Variants in CERS6 observed in about 807,000 individuals in gnomAD.
CERS6 encodes the protein ceramide synthase 6, also known as LAG1 homolog, ceramide synthase 6.
In CERS6, 26 loss-of-function variants were observed where a neutral mutation model predicts 56.8. The observed-to-expected ratio is 0.46, with a 90% CI of 0.34 to 0.63. The LOEUF (loss-of-function observed/expected upper bound fraction) is 0.63, where lower values mean the gene tolerates loss of function less well. Ranked by LOEUF, CERS6 falls within the 30% of genes least tolerant of loss-of-function variation. The pLI is 0.01. For synonymous variants in CERS6, 164 were observed against 173.3 expected (o/e 0.95, Z 0.42); for missense variants, 415 against 467.5 (o/e 0.89, Z 1.04).
intron 6 of CERS6, among the ~76,000 whole-genome samples, chr2:168,703,982 T>C (rs573657541): frequency 1.8e-4 from 28 of 152,336 alleles, no homozygotes; most frequent in African/African-American, 6.5e-4. Flanking sequence ...GCCAGTACCA[T>C]GTGCAGACTG....
intron 4 of CERS6, among the ~76,000 whole-genome samples, chr2:168,677,244 C>T (rs1686088544): frequency 6.6e-6 from 1 of 151,958 alleles, no homozygotes; most frequent in African/African-American, 2.4e-5. Context: ...TGTTCAACTC[C>T]CACTTATGAG....
At chr2:168,645,639 G>T (rs1046540222) in intron 4 of CERS6, among the ~76,000 whole-genome samples, 1 of 152,044 alleles carries the variant, frequency 6.6e-6, no homozygotes, top group Admixed American at 6.6e-5. Flanking sequence ...CATCACCCAG[G>T]TATTAAGCCC....
chr2:168,599,702 A>G (rs1180922757), intron 3 of CERS6, among the ~76,000 whole-genome samples: 1 of 152,204 alleles, frequency 6.6e-6, no homozygotes, highest in Non-Finnish European at 1.5e-5. Context: ...TTGAGGTTAT[A>G]TATATAGTTT....
chr2:168,604,278 A>G (rs1434282269), intron 3 of CERS6, among the ~76,000 whole-genome samples: 1 of 152,170 alleles, frequency 6.6e-6, no homozygotes, highest in East Asian at 1.9e-4. Context: ...TTTCAAAAAC[A>G]CAACTTTTGC....
chr2:168,557,995 A>AT (rs1447195043), intron 2 of CERS6, among the ~76,000 whole-genome samples: 5 of 152,352 alleles, frequency 3.3e-5, no homozygotes, highest in Non-Finnish European at 5.9e-5. Context: ...TATACTCTTC[A>AT]TAAAAAAATG....
intron 1 of CERS6, among the ~76,000 whole-genome samples, chr2:168,529,845 T>C (rs1695134620): frequency 6.6e-6 from 1 of 152,022 alleles, no homozygotes; most frequent in Non-Finnish European, 1.5e-5. Context: ...ATAATGGAAT[T>C]AAAGGATTAA....
rs1341652360 is a variant in CERS6, at chr2:168,559,733, TCATATA to T, written c.277-1458_277-1453del. Among the ~76,000 whole-genome samples the T allele has an allele frequency of 4.1e-4, 27 of 66,288 alleles. 6 individuals carry two copies. The South Asian group carries it at 4.3e-3, about 10-fold the overall frequency. The allele number at this position is 66,288 out of a possible 152,430, so 43.5% of individuals were successfully genotyped here. A position where few individuals can be genotyped will look rare whatever the true frequency, so the allele number is the denominator to read the frequency against. On this transcript the variant is annotated intron_variant, in intron 2 of 9. Coordinates refer to ENST00000305747, the MANE Select transcript of CERS6 (RefSeq NM_203463.3). ...TGCTTGAGCTGCTTTTAGAAAGGTA[TCATATA>T]TATATATATATATATTTCACCCTTA... is the stretch of plus-strand genomic sequence containing the variant.
At chr2:168,539,354 A>G (rs1695325238) in intron 1 of CERS6, among the ~76,000 whole-genome samples, 1 of 152,346 alleles carries the variant, frequency 6.6e-6, no homozygotes, top group South Asian at 2.1e-4. Context: ...GACCTTGGGC[A>G]CCCTCATTAA....
intron 3 of CERS6, among the ~76,000 whole-genome samples, chr2:168,627,872 C>T (rs764078746): frequency 6.6e-6 from 1 of 151,718 alleles, no homozygotes; most frequent in Non-Finnish European, 1.5e-5. Flanking sequence ...TTTCTCTGGC[C>T]TTATGGGGGT....
At chr2:168,617,228 A>G (rs1477405470) in intron 3 of CERS6, among the ~76,000 whole-genome samples, 1 of 152,156 alleles carries the variant, frequency 6.6e-6, no homozygotes, top group Non-Finnish European at 1.5e-5. Flanking sequence ...GGATACAGCA[A>G]AGGTGGTGCT....
chr2:168,673,456 C>T (rs1041355190), intron 4 of CERS6, among the ~76,000 whole-genome samples: 1 of 152,174 alleles, frequency 6.6e-6, no homozygotes, highest in Non-Finnish European at 1.5e-5. Context: ...AGTTTCCATT[C>T]GTGGGGTCGG....
chr2:168,619,179 G>A (rs1225700740), intron 3 of CERS6, among the ~76,000 whole-genome samples: 1 of 152,188 alleles, frequency 6.6e-6, no homozygotes, highest in Non-Finnish European at 1.5e-5. Context: ...AATGAAACTG[G>A]ATCCTCATCT....
At chr2:168,762,551 G>T (rs1684613033) in intron 8 of CERS6, among the ~76,000 whole-genome samples, 1 of 152,128 alleles carries the variant, frequency 6.6e-6, no homozygotes, top group Non-Finnish European at 1.5e-5. Flanking sequence ...CTTTGATGCT[G>T]TTGAAATCAT....
At chr2:168,612,783 A>G (rs1684220900) in intron 3 of CERS6, among the ~76,000 whole-genome samples, 2 of 152,228 alleles carry the variant, frequency 1.3e-5, no homozygotes, top group South Asian at 4.1e-4. Context: ...ACTTCTTAAG[A>G]TCTCAAACTC....
intron 4 of CERS6, among the ~76,000 whole-genome samples, chr2:168,670,877 A>G (rs896693286): frequency 1.4e-5 from 2 of 147,272 alleles, no homozygotes; most frequent in East Asian, 2.0e-4. Context: ...TGTGAGAGCA[A>G]TGATTTTCTG....
chr2:168,498,038 C>G (rs1048446605), intron 1 of CERS6, among the ~76,000 whole-genome samples: 2 of 152,146 alleles, frequency 1.3e-5, no homozygotes, highest in Non-Finnish European at 2.9e-5. Context: ...GCTATTCTAG[C>G]CAGCATCTTC....
chr2:168,528,155 G>A (rs1018466631), intron 1 of CERS6, among the ~76,000 whole-genome samples: 1 of 152,040 alleles, frequency 6.6e-6, no homozygotes. Context: ...TAATTTTGAG[G>A]GACACATTCA....
At chr2:168,625,321 T>A (rs1046930665) in intron 3 of CERS6, among the ~76,000 whole-genome samples, 12 of 152,212 alleles carry the variant, frequency 7.9e-5, no homozygotes, top group African/African-American at 2.9e-4. Flanking sequence ...TCAGATTGAT[T>A]GATCACGTTA....
At chr2:168,640,269 T>G (rs1684956774) in intron 4 of CERS6, among the ~76,000 whole-genome samples, 1 of 152,224 alleles carries the variant, frequency 6.6e-6, no homozygotes, top group Non-Finnish European at 1.5e-5. Context: ...TAATAACGTC[T>G]GTTAATCCTA....
Sources: gnomAD v4.1 joint callset for allele counts (sites outside exome capture counted in the v4.1 genomes callset) on GRCh38, gnomAD v4.1.1 for gene constraint, MANE v1.5 for transcripts, NCBI Gene and HGNC (gene_info 2026-07-23, HGNC 2026-07-21) for gene names.